Variants in VPS13B observed in about 807,000 individuals in gnomAD.
The protein encoded by VPS13B is intermembrane lipid transfer protein VPS13B.
A neutral mutation model predicts 426.4 loss-of-function variants in VPS13B; 285 were observed. The observed-to-expected ratio is 0.67, with a 90% confidence interval of 0.61 to 0.74. VPS13B has a LOEUF of 0.74. VPS13B is among the 30% of genes least tolerant of loss of function. The pLI, the probability that VPS13B is intolerant of heterozygous loss-of-function variation, is 0.00. For synonymous variants in VPS13B, 1,676 were observed against 1,676.4 expected (o/e 1.00, Z 0.01); for missense variants, 4,537 against 4,782.6 (o/e 0.95, Z 1.51).
chr8:99,682,407 G>A (rs191999790), intron 35 of VPS13B, among the ~76,000 whole-genome samples: 1 of 152,286 alleles, frequency 6.6e-6, no homozygotes, highest in Non-Finnish European at 1.5e-5. Flanking sequence ...TCTCATTGCT[G>A]AGTTATAATA....
chr8:99,257,850 C>T (rs1354039287), intron 17 of VPS13B, among the ~76,000 whole-genome samples: 1 of 151,000 alleles, frequency 6.6e-6, no homozygotes, highest in Non-Finnish European at 1.5e-5. Flanking sequence ...CCTTCTTTCC[C>T]TCTTGGGCTG....
At chr8:99,038,200 A>AC (rs1342769376) in intron 2 of VPS13B, among the ~76,000 whole-genome samples, 1 of 152,114 alleles carries the variant, frequency 6.6e-6, no homozygotes, top group Non-Finnish European at 1.5e-5. Context: ...ATTTGATGCT[A>AC]CTTTTTGATA....
chr8:99,354,484 A>G (rs1812076501), intron 19 of VPS13B, among the ~76,000 whole-genome samples: 1 of 151,562 alleles, frequency 6.6e-6, no homozygotes, highest in South Asian at 2.1e-4. Context: ...ATTTGTTCTA[A>G]AACTGCATAA....
At chr8:99,822,958 C>T (rs774238236) in intron 50 of VPS13B, among the ~76,000 whole-genome samples, 1 of 152,066 alleles carries the variant, frequency 6.6e-6, no homozygotes, top group Non-Finnish European at 1.5e-5. Flanking sequence ...TAGTTTTGAC[C>T]GTGGGACCCC....
Position 99,051,511 on chromosome 8 carries a change from A to G in VPS13B, c.291+12945A>G, listed in dbSNP as rs567698870. Among the ~76,000 whole-genome samples the G allele has an allele frequency of 1.3e-4, 20 of 152,108 alleles. No individual in the cohort carries two copies. The South Asian group carries it at 4.2e-3, about 32-fold the overall frequency. On this transcript the variant is annotated intron_variant, in intron 3 of 61. Coordinates refer to ENST00000357162, the MANE Select transcript of VPS13B (RefSeq NM_152564.5). ...TGGCTTAGGATTGACTTGGCAGTGC[A>G]GGCTCTTTTTTGGTTCCATATGAAC...
chr8:99,861,144 A>T (rs758856724), intron 57 of VPS13B, among the ~76,000 whole-genome samples: 4 of 152,246 alleles, frequency 2.6e-5, no homozygotes, highest in African/African-American at 9.6e-5. Flanking sequence ...AGGCATCAAT[A>T]CTGTTTTAAC....
intron 10 of VPS13B, 102 bp from the exon 11 acceptor site, chr8:99,135,494 T>C: frequency 1.4e-6 from 2 of 1,422,784 alleles, no homozygotes; most frequent in Non-Finnish European, 1.9e-6. Flanking sequence ...GTTTTAGTGA[T>C]TTCTTTTGAC....
intron 3 of VPS13B, among the ~76,000 whole-genome samples, chr8:99,068,781 G>A (rs891412420): frequency 1.3e-5 from 2 of 152,148 alleles, no homozygotes; most frequent in Non-Finnish European, 2.9e-5. Flanking sequence ...CACGAGAACA[G>A]CATGGGGGAA....
chr8:99,264,770 C>A (rs994246687), intron 17 of VPS13B, among the ~76,000 whole-genome samples: 4 of 152,012 alleles, frequency 2.6e-5, no homozygotes, highest in African/African-American at 9.7e-5. Flanking sequence ...TTTTAATTTG[C>A]AACTCCTTTT....
At chr8:99,705,136 C>A (rs1458406246) in intron 36 of VPS13B, among the ~76,000 whole-genome samples, 1 of 152,032 alleles carries the variant, frequency 6.6e-6, no homozygotes, top group African/African-American at 2.4e-5. Flanking sequence ...GATAAACTGG[C>A]ATGTACTTCT....
At chr8:99,186,169 A>T (rs975221651) in intron 16 of VPS13B, among the ~76,000 whole-genome samples, 1 of 152,148 alleles carries the variant, frequency 6.6e-6, no homozygotes, top group African/African-American at 2.4e-5. Flanking sequence ...TAAAGAAATT[A>T]TTTTATATTC....
At chr8:99,406,847 A>C (rs1464932906) in intron 21 of VPS13B, among the ~76,000 whole-genome samples, 1 of 152,196 alleles carries the variant, frequency 6.6e-6, no homozygotes, top group African/African-American at 2.4e-5. Context: ...AGATTTTAGG[A>C]ATTAGAAAAG....
At chr8:99,110,948 A>T (rs1847328365) in intron 5 of VPS13B, 150 bp from the exon 6 acceptor site, 5 of 492,168 alleles carry the variant, frequency 1.0e-5, no homozygotes, top group Admixed American at 3.9e-5. Flanking sequence ...TGAAAAGTTC[A>T]TTGCATATGG....
chr8:99,732,530 G>A (rs1175434915), intron 39 of VPS13B, among the ~76,000 whole-genome samples: 1 of 152,212 alleles, frequency 6.6e-6, no homozygotes, highest in Non-Finnish European at 1.5e-5. Flanking sequence ...GGGCTCGTTT[G>A]CAGAGGAAGA....
chr8:99,258,410 A>C (rs572081728), intron 17 of VPS13B, among the ~76,000 whole-genome samples: 50 of 152,118 alleles, frequency 3.3e-4, no homozygotes, highest in African/African-American at 1.2e-3. Context: ...CTAATATTGC[A>C]TCACTTTGTT....
intron 3 of VPS13B, among the ~76,000 whole-genome samples, chr8:99,091,420 T>A (rs1454081205): frequency 2.6e-5 from 4 of 152,192 alleles, no homozygotes; most frequent in African/African-American, 9.7e-5. Context: ...TTCCAGCCTG[T>A]CATAACCCCT....
intron 25 of VPS13B, among the ~76,000 whole-genome samples, chr8:99,492,929 A>C (rs1820694321): frequency 6.6e-6 from 1 of 152,168 alleles, no homozygotes; most frequent in Non-Finnish European, 1.5e-5. Context: ...GGAAATGCAG[A>C]AATCACCCAT....
chr8:99,479,401 A>G (rs891819484), intron 24 of VPS13B, among the ~76,000 whole-genome samples: 1 of 152,346 alleles, frequency 6.6e-6, no homozygotes, highest in East Asian at 1.9e-4. Context: ...ACCTTCATAC[A>G]GAACTCATGT....
chr8:99,467,692 T>G (rs1480934130), intron 24 of VPS13B, 58 bp downstream of exon 24: 2 of 1,548,656 alleles, frequency 1.3e-6, no homozygotes, highest in Non-Finnish European at 1.8e-6. Context: ...AAAGCAATTG[T>G]TATCCATTTT....
Sources: gnomAD v4.1 joint callset for allele counts (sites outside exome capture counted in the v4.1 genomes callset) on GRCh38, gnomAD v4.1.1 for gene constraint, MANE v1.5 for transcripts, NCBI Gene and HGNC (gene_info 2026-07-23, HGNC 2026-07-21) for gene names.